Variants in HS6ST3 observed in about 807,000 individuals in gnomAD.
HS6ST3 encodes the protein heparan-sulfate 6-O-sulfotransferase 3.
In HS6ST3, 12 loss-of-function variants were observed where a neutral mutation model predicts 36.7. The ratio of observed to expected loss-of-function variants is 0.33; its 90% CI spans 0.21 to 0.53. The LOEUF (loss-of-function observed/expected upper bound fraction) is 0.53. HS6ST3 is among the 20% of genes least tolerant of loss of function. The probability of loss-of-function intolerance (pLI) is 0.95; values close to 1 mark genes in which losing one functional copy is unlikely to be tolerated. For synonymous variants in HS6ST3, 240 were observed against 257.5 expected (o/e 0.93, Z 0.65); for missense variants, 584 against 640.9 (o/e 0.91, Z 0.96).
chr13:96,732,574 T>C (rs768758569), intron 1 of HS6ST3, among the ~76,000 whole-genome samples: 2 of 152,088 alleles, frequency 1.3e-5, no homozygotes, highest in Admixed American at 6.5e-5. Flanking sequence ...TTTTGAAGTA[T>C]GGTAGTGTGA....
intron 1 of HS6ST3, among the ~76,000 whole-genome samples, chr13:96,624,288 A>G (rs1054679418): frequency 9.2e-5 from 14 of 152,148 alleles, no homozygotes; most frequent in African/African-American, 3.1e-4. Context: ...TACTTCCTTC[A>G]AAGGTAACAC....
chr13:96,785,109 TA>T (rs1877615430), intron 1 of HS6ST3, among the ~76,000 whole-genome samples: 2 of 151,840 alleles, frequency 1.3e-5, no homozygotes, highest in Admixed American at 6.6e-5. Context: ...GCAGAGGTTG[TA>T]GTGAACTGAG....
intron 1 of HS6ST3, among the ~76,000 whole-genome samples, chr13:96,455,643 A>C (rs7325236): frequency 0.15 from 22,388 of 152,238 alleles, 1,695 homozygotes; most frequent in Middle Eastern, 0.23. Flanking sequence ...AAAGGCAATT[A>C]GGCAAAAATT....
At position 96,482,456 on chromosome 13, in the gene HS6ST3, C is replaced by CT. The variant is rs778614894; in HGVS notation, c.708-350020dup. ...GGTTCACAGTTCTTGTTTTATTTTTCTTTTTTTTTTTTTTCCGTAAAGCCT... is the reference window on the plus strand; with the variant it reads ...GGTTCACAGTTCTTGTTTTATTTTTCTTTTTTTTTTTTTTTCCGTAAAGCCT... On this transcript the variant is annotated intron_variant, in intron 1 of 1. Transcript: ENST00000376705. Among the ~76,000 whole-genome samples, 665 of 140,460 alleles carry CT rather than the reference C, an allele frequency of 4.7e-3. 2 individuals carry two copies. Among genetic ancestry groups the CT allele is most frequent in the African/African-American group, 0.011 (407 of 38,636 alleles). The allele number at this position is 140,460 out of a possible 152,430, so 92.1% of individuals were successfully genotyped here. A position where few individuals can be genotyped will look rare whatever the true frequency, so the allele number is the denominator to read the frequency against.
chr13:96,659,488 T>C (rs2056638844), intron 1 of HS6ST3, among the ~76,000 whole-genome samples: 1 of 152,116 alleles, frequency 6.6e-6, no homozygotes, highest in Admixed American at 6.6e-5. Flanking sequence ...CATGGTATAT[T>C]TTAATAAATT....
At chr13:96,231,365 A>G (rs1422700494) in intron 1 of HS6ST3, among the ~76,000 whole-genome samples, 4 of 152,190 alleles carry the variant, frequency 2.6e-5, no homozygotes, top group Admixed American at 6.5e-5. Context: ...GCCTAAGAAT[A>G]GGCAATTTAT....
chr13:96,567,908 G>A (rs900220150), intron 1 of HS6ST3, among the ~76,000 whole-genome samples: 2 of 152,252 alleles, frequency 1.3e-5, no homozygotes, highest in African/African-American at 2.4e-5. Context: ...TCAGGGAAGC[G>A]CATAAGAAAA....
At chr13:96,462,976 A>G (rs942760318) in intron 1 of HS6ST3, among the ~76,000 whole-genome samples, 11 of 152,184 alleles carry the variant, frequency 7.2e-5, no homozygotes, top group Admixed American at 7.2e-4. Context: ...ATTATAGATT[A>G]TAAATTTGAT....
intron 1 of HS6ST3, among the ~76,000 whole-genome samples, chr13:96,811,377 T>G (rs758118893): frequency 4.3e-4 from 66 of 152,324 alleles, no homozygotes; most frequent in Middle Eastern, 6.8e-3. Context: ...GCAATTCTTT[T>G]TCACCTACTT....
At position 96,441,832 on chromosome 13, in the gene HS6ST3, C is replaced by A. The variant is rs144991402; in HGVS notation, c.707+350263C>A. 9.7e-4 allele frequency among the ~76,000 whole-genome samples: 147 copies of A among 151,706 alleles called. 1 individual carries two copies. Among genetic ancestry groups the A allele is most frequent in the African/African-American group, 3.4e-3 (142 of 41,360 alleles). ...GCATAAAAAGACAAGAAAACAGAAA[C>A]AAGAGAAAAAGATAAGACACAGAAA... On this transcript the variant is annotated intron_variant, in intron 1 of 1. Coordinates refer to ENST00000376705, the MANE Select transcript of HS6ST3 (RefSeq NM_153456.4).
chr13:96,301,077 T>A (rs1447487333), intron 1 of HS6ST3, among the ~76,000 whole-genome samples: 1 of 152,192 alleles, frequency 6.6e-6, no homozygotes, highest in Admixed American at 6.5e-5. Context: ...AAGAGATGTA[T>A]GCTGAGTTAG....
intron 1 of HS6ST3, among the ~76,000 whole-genome samples, chr13:96,512,332 C>T (rs1365662590): frequency 6.6e-6 from 1 of 152,202 alleles, no homozygotes; most frequent in Non-Finnish European, 1.5e-5. Context: ...AGTGCCCTGT[C>T]TGCTTTTCTT....
At chr13:96,399,310 A>G (rs1303469510) in intron 1 of HS6ST3, among the ~76,000 whole-genome samples, 6 of 152,214 alleles carry the variant, frequency 3.9e-5, no homozygotes, top group African/African-American at 1.4e-4. Context: ...CAGAGATAAA[A>G]CAGACCCTTT....
chr13:96,766,253 C>T (rs1367722857), intron 1 of HS6ST3, among the ~76,000 whole-genome samples: 2 of 152,168 alleles, frequency 1.3e-5, no homozygotes, highest in African/African-American at 4.8e-5. Flanking sequence ...TGCAGAATTG[C>T]TGTTGATACC....
chr13:96,358,061 A>G (rs543662338), intron 1 of HS6ST3, among the ~76,000 whole-genome samples: 2 of 152,350 alleles, frequency 1.3e-5, no homozygotes, highest in South Asian at 2.1e-4. Context: ...TAAAAAAAGT[A>G]ACATCTGTAA....
intron 1 of HS6ST3, among the ~76,000 whole-genome samples, chr13:96,689,567 G>A (rs574940977): frequency 6.8e-6 from 1 of 148,084 alleles, no homozygotes; most frequent in African/African-American, 2.5e-5. Flanking sequence ...TAGTCGTCAG[G>A]ATCACCCATT....
At chr13:96,523,791 A>G (rs996484558) in intron 1 of HS6ST3, among the ~76,000 whole-genome samples, 1 of 152,098 alleles carries the variant, frequency 6.6e-6, no homozygotes, top group African/African-American at 2.4e-5. Flanking sequence ...CTTCCTTGCA[A>G]TGGGTTACAA....
intron 1 of HS6ST3, among the ~76,000 whole-genome samples, chr13:96,198,469 G>A (rs2054325468): frequency 6.6e-6 from 1 of 152,150 alleles, no homozygotes; most frequent in South Asian, 2.1e-4. Flanking sequence ...AAACTTTTAT[G>A]CTCTGCTGCC....
In HS6ST3 at chr13:96,385,016, CT is replaced by C. The variant is rs2055360603; in HGVS notation, c.707+293448del. On this transcript the variant is annotated intron_variant, in intron 1 of 1. Transcript: ENST00000376705. ...CCAACATGGAGAAACCCCATCTCTA[CT>C]AAAAATACAAAATTAGCTGGGTGTG... Among the ~76,000 whole-genome samples the C allele has an allele frequency of 2.0e-5, 3 of 152,020 alleles. No homozygotes were observed. In the South Asian group the frequency reaches 6.2e-4, roughly 32 times the overall value.
Sources: gnomAD v4.1 joint callset for allele counts (sites outside exome capture counted in the v4.1 genomes callset) on GRCh38, gnomAD v4.1.1 for gene constraint, MANE v1.5 for transcripts, NCBI Gene and HGNC (gene_info 2026-07-23, HGNC 2026-07-21) for gene names.